Variants in KHDRBS2 observed in about 807,000 individuals in gnomAD.
KHDRBS2 encodes KH domain-containing, RNA-binding, signal transduction-associated protein 2.
KHDRBS2 carries 26 observed loss-of-function variants against 44.3 expected under a neutral mutation model. The observed-to-expected ratio is 0.59, with a 90% CI of 0.43 to 0.81. The LOEUF is 0.81. KHDRBS2 is among the 40% of genes least tolerant of loss of function. The pLI is 0.00. For synonymous variants in KHDRBS2, 194 were observed against 151.1 expected (o/e 1.28, Z -2.08); for missense variants, 476 against 433.1 (o/e 1.10, Z -0.88).
At chr6:61,806,748 A>G (rs1787230061) in intron 6 of KHDRBS2, among the ~76,000 whole-genome samples, 1 of 152,076 alleles carries the variant, frequency 6.6e-6, no homozygotes, top group South Asian at 2.1e-4. Context: ...TTATTTCAAA[A>G]AAAAGGCCTA....
intron 4 of KHDRBS2, among the ~76,000 whole-genome samples, chr6:61,941,126 A>G (rs1419114990): frequency 6.6e-6 from 1 of 152,186 alleles, no homozygotes; most frequent in Non-Finnish European, 1.5e-5. Flanking sequence ...GTGCCAGGGC[A>G]TGCAGCCTGG....
At chr6:62,102,952 C>A (rs1029793445) in intron 2 of KHDRBS2, among the ~76,000 whole-genome samples, 1 of 152,108 alleles carries the variant, frequency 6.6e-6, no homozygotes, top group African/African-American at 2.4e-5. Context: ...CTTTATTGAG[C>A]GACACAGCTC....
intron 7 of KHDRBS2, among the ~76,000 whole-genome samples, chr6:61,700,694 G>T (rs189838303): frequency 6.6e-6 from 1 of 150,630 alleles, no homozygotes; most frequent in East Asian, 2.0e-4. Context: ...ATCCTTTCCC[G>T]TTTAAGAATA....
the KHDRBS2 span, among the ~76,000 whole-genome samples, chr6:61,607,544 A>AAAAAAAAAAAAT: frequency 3.4e-5 from 5 of 148,668 alleles, no homozygotes; most frequent in African/African-American, 4.9e-5. Context: ...AAAAAAAAAA[A>AAAAAAAAAAAAT]AGATGTGTGA....
At chr6:62,112,176 T>C (rs1242635654) in intron 2 of KHDRBS2, among the ~76,000 whole-genome samples, 9 of 152,162 alleles carry the variant, frequency 5.9e-5, no homozygotes. Flanking sequence ...TCACCTTTCA[T>C]AATGTATCTA....
At chr6:62,041,366 T>C (rs893513427) in intron 3 of KHDRBS2, among the ~76,000 whole-genome samples, 7 of 151,996 alleles carry the variant, frequency 4.6e-5, no homozygotes, top group African/African-American at 1.7e-4. Context: ...AGATCAGCAG[T>C]AAAGCTTATG....
chr6:62,191,595 T>C (rs1434203223), intron 1 of KHDRBS2, among the ~76,000 whole-genome samples: 2 of 152,124 alleles, frequency 1.3e-5, no homozygotes, highest in African/African-American at 4.8e-5. Context: ...CTCATTACAA[T>C]AGATAACTTA....
At chr6:61,846,022 C>A (rs1209023628) in intron 6 of KHDRBS2, among the ~76,000 whole-genome samples, 2 of 151,952 alleles carry the variant, frequency 1.3e-5, no homozygotes, top group Non-Finnish European at 2.9e-5. Context: ...GTGTGTGGCA[C>A]CTCTCTCTCT....
chr6:61,591,320 G>T, the KHDRBS2 span, among the ~76,000 whole-genome samples: 11 of 152,142 alleles, frequency 7.2e-5, no homozygotes, highest in Admixed American at 2.6e-4. Flanking sequence ...TTTATTCAAT[G>T]AATAAATCCA....
At chr6:62,247,750 T>C (rs1410103049) in intron 1 of KHDRBS2, among the ~76,000 whole-genome samples, 1 of 152,040 alleles carries the variant, frequency 6.6e-6, no homozygotes, top group Non-Finnish European at 1.5e-5. Flanking sequence ...CAATAACAAT[T>C]AAATTTCAAT....
At chr6:62,248,220 A>T (rs1318396852) in intron 1 of KHDRBS2, among the ~76,000 whole-genome samples, 3 of 151,916 alleles carry the variant, frequency 2.0e-5, no homozygotes, top group African/African-American at 7.2e-5. Flanking sequence ...GGAAAGAAAG[A>T]GACAGTTACT....
At chr6:62,097,960 C>A (rs773503284) in intron 2 of KHDRBS2, among the ~76,000 whole-genome samples, 1 of 151,966 alleles carries the variant, frequency 6.6e-6, no homozygotes, top group Non-Finnish European at 1.5e-5. Context: ...TTATTTTACA[C>A]TGATAACAAC....
chr6:61,746,437 T>A lies in KHDRBS2; in HGVS notation c.811-13673A>T, dbSNP rs560938948. Among the ~76,000 whole-genome samples, 35 of 151,294 alleles carry A rather than the reference T, an allele frequency of 2.3e-4. 1 individual carries two copies. Among genetic ancestry groups the A allele is most frequent in the Non-Finnish European group, 4.6e-4 (31 of 67,808 alleles). ...GTTTTCTGTTCCTATGTTAGTTTGC[T>A]GAAGATGATGGTTTCCAGCTTCATC... is the stretch of plus-strand genomic sequence containing the variant. On this transcript the variant is annotated intron_variant, in intron 6 of 8. Transcript: ENST00000281156.
intron 7 of KHDRBS2, among the ~76,000 whole-genome samples, chr6:61,708,698 A>T (rs960645144): frequency 6.6e-6 from 1 of 151,644 alleles, no homozygotes. Context: ...ATTAAACATA[A>T]ATAGATATAT....
At chr6:62,151,482 G>A (rs1815173504) in intron 2 of KHDRBS2, among the ~76,000 whole-genome samples, 1 of 152,062 alleles carries the variant, frequency 6.6e-6, no homozygotes, top group African/African-American at 2.4e-5. Flanking sequence ...GATGAATAGG[G>A]CATCTTTAAA....
At chr6:61,759,308 T>C (rs1270407116) in intron 6 of KHDRBS2, among the ~76,000 whole-genome samples, 1 of 152,218 alleles carries the variant, frequency 6.6e-6, no homozygotes, top group African/African-American at 2.4e-5. Context: ...GTCGTATTTA[T>C]GGTTTTGCAT....
intron 6 of KHDRBS2, among the ~76,000 whole-genome samples, chr6:61,843,844 T>C (rs1793969659): frequency 6.6e-6 from 1 of 152,152 alleles, no homozygotes; most frequent in Non-Finnish European, 1.5e-5. Flanking sequence ...CAAGATTTAG[T>C]TTTTAATATA....
chr6:62,144,004 C>T (rs1027703422), intron 2 of KHDRBS2, among the ~76,000 whole-genome samples: 30 of 152,046 alleles, frequency 2.0e-4, no homozygotes, highest in African/African-American at 7.0e-4. Flanking sequence ...CTCTCTATCT[C>T]ATCTAAGCCA....
At chr6:61,945,878 A>G (rs2127380032) in intron 4 of KHDRBS2, among the ~76,000 whole-genome samples, 1 of 66,112 alleles carries the variant, frequency 1.5e-5, no homozygotes, top group East Asian at 5.3e-4. Context: ...CCCACTTAGA[A>G]AAAAACACTA....
Sources: gnomAD v4.1 joint callset for allele counts (sites outside exome capture counted in the v4.1 genomes callset) on GRCh38, gnomAD v4.1.1 for gene constraint, MANE v1.5 for transcripts, NCBI Gene and HGNC (gene_info 2026-07-23, HGNC 2026-07-21) for gene names.